The following MGAT4C variants were observed in gnomAD, a reference collection of about 807,000 sequenced individuals.
MGAT4C encodes alpha-1,3-mannosyl-glycoprotein 4-beta-N-acetylglucosaminyltransferase C.
MGAT4C carries 19 observed loss-of-function variants against 40.1 expected under a neutral mutation model. That is an observed-to-expected ratio of 0.47 (90% confidence interval 0.33 to 0.70). The LOEUF (loss-of-function observed/expected upper bound fraction) is 0.70, where lower values mean the gene tolerates loss of function less well. MGAT4C is among the 30% of genes least tolerant of loss of function. The pLI, the probability that MGAT4C is intolerant of heterozygous loss-of-function variation, is 0.02. For missense variants in MGAT4C, 491 were observed against 563.2 expected (o/e 0.87, Z 1.30); for synonymous variants, 181 against 187.1 (o/e 0.97, Z 0.27).
chr12:85,979,791 A>C lies in MGAT4C; in HGVS notation c.935T>G (p.Met312Arg). ...IRFKPSLFQH[M>R]GYYSSYKGTE... ...CCCTTTGTATGATGAATAATAGCCC[A>C]TGTGCTGAAAGAGAGATGGTTTAAA... The change falls in exon 5 of 5, where the codon ATG (methionine) becomes AGG (arginine). Residue 312 changes from methionine to arginine, a missense_variant. Coordinates refer to ENST00000611864, the MANE Select transcript of MGAT4C (RefSeq NM_001351288.2). The C allele has an allele frequency of 3.7e-6, 6 of 1,613,720 alleles. No homozygotes were observed. Among genetic ancestry groups the C allele is most frequent in the Non-Finnish European group, 8.5e-7 (1 of 1,179,806 alleles).
At chr12:86,504,163 T>G (rs1433496565) in intron 2 of MGAT4C, among the ~76,000 whole-genome samples, 1 of 152,016 alleles carries the variant, frequency 6.6e-6, no homozygotes, top group African/African-American at 2.4e-5. Context: ...ATTAAAAACT[T>G]GGCAATACCT....
intron 4 of MGAT4C, among the ~76,000 whole-genome samples, chr12:86,308,541 A>C (rs1051369780): frequency 6.6e-6 from 1 of 150,626 alleles, no homozygotes; most frequent in African/African-American, 2.5e-5. Flanking sequence ...TTAGGCATTT[A>C]TTTGATTGTT....
chr12:86,803,395 A>C (rs1257574677), intron 1 of MGAT4C, among the ~76,000 whole-genome samples: 3 of 151,884 alleles, frequency 2.0e-5, no homozygotes, highest in African/African-American at 4.8e-5. Context: ...CAATGGCAAC[A>C]AAAGACAAAA....
At position 85,962,175 on chromosome 12, in the gene MGAT4C, T is replaced by A. The variant is rs954278972; in HGVS notation, c.*17114A>T. On this transcript the variant is annotated 3_prime_UTR_variant, in exon 5 of 5. Transcript: ENST00000611864. Reference sequence around the variant, plus strand: ...GAAAGAGAACATGGAGTTAGAATAATTATTGTAGGACTGTAGATTGTCATC... The same window carrying A: ...GAAAGAGAACATGGAGTTAGAATAAATATTGTAGGACTGTAGATTGTCATC... 1.3e-5 allele frequency: 2 copies of A among 151,772 alleles called. No homozygotes were observed. The highest frequency in any genetic ancestry group is 6.6e-5 in the Admixed American group (1 of 15,220). The allele number at this position is 151,772 out of a possible 1,614,324, so 9.4% of individuals were successfully genotyped here.
At chr12:86,765,057 C>A (rs900260119) in intron 1 of MGAT4C, among the ~76,000 whole-genome samples, 2 of 152,098 alleles carry the variant, frequency 1.3e-5, no homozygotes, top group Non-Finnish European at 2.9e-5. Flanking sequence ...TTCAGATGAT[C>A]AAACTACTCT....
intron 2 of MGAT4C, among the ~76,000 whole-genome samples, chr12:86,575,576 T>C (rs1960529064): frequency 6.6e-6 from 1 of 151,908 alleles, no homozygotes; most frequent in Non-Finnish European, 1.5e-5. Context: ...CCATTGTGTA[T>C]ATGTATCGTA....
chr12:86,285,173 A>C (rs1207904465), intron 4 of MGAT4C, among the ~76,000 whole-genome samples: 1 of 152,042 alleles, frequency 6.6e-6, no homozygotes, highest in Non-Finnish European at 1.5e-5. Flanking sequence ...CCTTCCAGTC[A>C]CAAATATTCG....
intron 2 of MGAT4C, among the ~76,000 whole-genome samples, chr12:86,480,660 G>A (rs977364002): frequency 1.9e-4 from 28 of 151,176 alleles, no homozygotes; most frequent in African/African-American, 5.1e-4. Flanking sequence ...ACATATGTAC[G>A]TATGTGTGTA....
At chr12:86,764,408 C>T (rs1951464643) in intron 1 of MGAT4C, among the ~76,000 whole-genome samples, 1 of 152,146 alleles carries the variant, frequency 6.6e-6, no homozygotes, top group Admixed American at 6.5e-5. Flanking sequence ...GGCCTGCCGG[C>T]CTCTGTAGGC....
intron 1 of MGAT4C, among the ~76,000 whole-genome samples, chr12:86,780,599 G>C (rs1388703914): frequency 6.6e-6 from 1 of 152,104 alleles, no homozygotes; most frequent in Non-Finnish European, 1.5e-5. Context: ...TGCCATGATT[G>C]TTAAGTTTCC....
chr12:86,621,345 G>T (rs1170047575), intron 2 of MGAT4C, among the ~76,000 whole-genome samples: 1 of 152,116 alleles, frequency 6.6e-6, no homozygotes, highest in Non-Finnish European at 1.5e-5. Context: ...GAAACAAAAG[G>T]CTGCACAGGA....
intron 2 of MGAT4C, among the ~76,000 whole-genome samples, chr12:86,484,570 T>C (rs897320291): frequency 6.6e-6 from 1 of 152,204 alleles, no homozygotes; most frequent in Admixed American, 6.5e-5. Context: ...TAGCTGAGTG[T>C]TGATCCCAAT....
At chr12:86,603,779 CTA>C (rs1961932991) in intron 2 of MGAT4C, among the ~76,000 whole-genome samples, 1 of 46,578 alleles carries the variant, frequency 2.1e-5, no homozygotes, top group Non-Finnish European at 4.6e-5. Flanking sequence ...ATTATATATA[CTA>C]TATAATATAT....
chr12:86,028,433 T>C (rs1424038204), intron 2 of MGAT4C, among the ~76,000 whole-genome samples: 1 of 151,890 alleles, frequency 6.6e-6, no homozygotes, highest in Admixed American at 6.6e-5. Context: ...GGTGTCTAAC[T>C]TGTAGTTTGT....
At chr12:86,786,840 T>A (rs1326490020) in intron 1 of MGAT4C, among the ~76,000 whole-genome samples, 1 of 152,134 alleles carries the variant, frequency 6.6e-6, no homozygotes, top group Non-Finnish European at 1.5e-5. Context: ...AACAGGAAAT[T>A]TTCTCCAACA....
chr12:86,522,689 T>C (rs998931381), intron 2 of MGAT4C, among the ~76,000 whole-genome samples: 4 of 152,168 alleles, frequency 2.6e-5, no homozygotes, highest in Admixed American at 1.3e-4. Context: ...CTCCTCTTTG[T>C]ACATCTGGTA....
At chr12:86,286,643 A>T (rs1396684499) in intron 4 of MGAT4C, among the ~76,000 whole-genome samples, 1 of 152,002 alleles carries the variant, frequency 6.6e-6, no homozygotes, top group African/African-American at 2.4e-5. Context: ...ATATTGGTAA[A>T]TTGTGTGCTG....
intron 2 of MGAT4C, among the ~76,000 whole-genome samples, chr12:86,482,993 G>C (rs922163392): frequency 6.6e-6 from 1 of 152,128 alleles, no homozygotes; most frequent in Non-Finnish European, 1.5e-5. Context: ...GCATTAGTTT[G>C]TCTTAGTTAC....
intron 1 of MGAT4C, among the ~76,000 whole-genome samples, chr12:86,790,957 T>C (rs1366729749): frequency 6.6e-6 from 1 of 152,076 alleles, no homozygotes; most frequent in Non-Finnish European, 1.5e-5. Context: ...ATTCTCCCAT[T>C]GTGTAGGCAA....
Sources: allele counts gnomAD v4.1 joint callset (sites outside exome capture counted in the v4.1 genomes callset), GRCh38; gene constraint gnomAD v4.1.1; transcripts MANE v1.5; gene names NCBI Gene and HGNC (gene_info 2026-07-23, HGNC 2026-07-21).